The following METTL15 variants were observed in gnomAD, a reference collection of about 807,000 sequenced individuals.
METTL15 encodes methyltransferase 15, mitochondrial 12S rRNA N4-cytidine.
METTL15 carries 34 observed loss-of-function variants against 38.3 expected under a neutral mutation model. The observed-to-expected ratio is 0.89, with a 90% CI of 0.68 to 1.18. METTL15 has a LOEUF of 1.18. METTL15 is among the 50% of genes most tolerant of loss of function. The pLI, the probability that METTL15 is intolerant of heterozygous loss-of-function variation, is 0.00. For synonymous variants in METTL15, 162 were observed against 170.9 expected, an observed-to-expected ratio of 0.95 and a Z score of 0.41; for missense variants, 438 against 498.4, an observed-to-expected ratio of 0.88 and a Z score of 1.15.
At chr11:28,385,662 G>T (rs991012799) in intron 5 of METTL15, among the ~76,000 whole-genome samples, 6 of 152,122 alleles carry the variant, frequency 3.9e-5, no homozygotes, top group Non-Finnish European at 7.4e-5. Flanking sequence ...TTTTAAAATA[G>T]TTGTTTCTAA....
At chr11:28,449,055 G>A (rs1851097973) in intron 6 of METTL15, among the ~76,000 whole-genome samples, 1 of 152,156 alleles carries the variant, frequency 6.6e-6, no homozygotes, top group South Asian at 2.1e-4. Flanking sequence ...TGTCTGAGAT[G>A]CCCTGTGCTT....
chr11:28,217,262 T>C (rs1852930823), intron 4 of METTL15, among the ~76,000 whole-genome samples: 1 of 152,058 alleles, frequency 6.6e-6, no homozygotes, highest in African/African-American at 2.4e-5. Flanking sequence ...TTCTAACTGG[T>C]GTGAGATGGT....
At position 28,183,734 on chromosome 11, in the gene METTL15, C is replaced by T. The variant is rs1318927675; in HGVS notation, c.271-27328C>T. On this transcript the variant is annotated intron_variant, in intron 3 of 6. Transcript: ENST00000407364. Reference sequence around the variant, plus strand: ...CTGAAATTTTCTTTTTTTGTTGTGTCTCTGCCAGGTTTTGGTATCAGGATG... The same window carrying T: ...CTGAAATTTTCTTTTTTTGTTGTGTTTCTGCCAGGTTTTGGTATCAGGATG... Among the ~76,000 whole-genome samples, 3 of 151,936 alleles carry T rather than the reference C, an allele frequency of 2.0e-5. No individual in the cohort carries two copies. The East Asian group carries it at 5.8e-4, about 29-fold the overall frequency.
intron 3 of METTL15, among the ~76,000 whole-genome samples, chr11:28,126,224 C>G (rs754595705): frequency 2.0e-5 from 3 of 152,116 alleles, no homozygotes; most frequent in Non-Finnish European, 4.4e-5. Context: ...GCCACCCTGT[C>G]TGAAATTTCA....
At chr11:28,172,367 A>G (rs1319473017) in intron 3 of METTL15, among the ~76,000 whole-genome samples, 1 of 152,174 alleles carries the variant, frequency 6.6e-6, no homozygotes, top group Non-Finnish European at 1.5e-5. Context: ...TAGAGTCAAT[A>G]TGTTTTTATT....
chr11:28,425,074 C>T (rs932605748), intron 6 of METTL15, among the ~76,000 whole-genome samples: 3 of 152,094 alleles, frequency 2.0e-5, no homozygotes, highest in Non-Finnish European at 4.4e-5. Flanking sequence ...GTAGACTTGG[C>T]CTCTGGTGAT....
intron 6 of METTL15, among the ~76,000 whole-genome samples, chr11:28,459,030 G>A (rs1029276095): frequency 3.3e-5 from 5 of 152,102 alleles, no homozygotes; most frequent in Non-Finnish European, 5.9e-5. Context: ...TTCTCAGTCT[G>A]TCATTTTCTG....
At chr11:28,401,295 G>T (rs1359307611) in intron 5 of METTL15, among the ~76,000 whole-genome samples, 1 of 151,828 alleles carries the variant, frequency 6.6e-6, no homozygotes, top group African/African-American at 2.4e-5. Flanking sequence ...TACCTGCCTG[G>T]GATAATCATT....
intron 4 of METTL15, among the ~76,000 whole-genome samples, chr11:28,214,293 C>T (rs145553172): frequency 0.01 from 1,598 of 152,220 alleles, 17 homozygotes; most frequent in Middle Eastern, 0.017. Flanking sequence ...CTCAGCCTCC[C>T]ACAGGACTGG....
intron 5 of METTL15, among the ~76,000 whole-genome samples, chr11:28,415,131 C>T (rs1850761949): frequency 6.6e-6 from 1 of 152,110 alleles, no homozygotes; most frequent in South Asian, 2.1e-4. Flanking sequence ...GTGAGTATGA[C>T]ATAATAATGC....
In METTL15 at chr11:28,216,983, C is replaced by A. The variant is rs1032532178; in HGVS notation, c.407+5785C>A. 4.6e-5 allele frequency among the ~76,000 whole-genome samples: 7 copies of A among 151,946 alleles called. No individual in the cohort carries two copies. In the East Asian group the frequency reaches 1.4e-3, roughly 29 times the overall value. On this transcript the variant is annotated intron_variant, in intron 4 of 6. Coordinates refer to ENST00000407364, the MANE Select transcript of METTL15 (RefSeq NM_001113528.2). ...TCATTGATGGACATTTGGGTTGGTTCCAAGTCTTTGCTATTGTGAATAGTG... is the reference window on the plus strand; with the variant it reads ...TCATTGATGGACATTTGGGTTGGTTACAAGTCTTTGCTATTGTGAATAGTG...
At chr11:28,300,322 T>A (rs1465418286) in intron 6 of METTL15, among the ~76,000 whole-genome samples, 1 of 152,104 alleles carries the variant, frequency 6.6e-6, no homozygotes, top group Non-Finnish European at 1.5e-5. Context: ...CATATTAAAA[T>A]CCATATTGAT....
chr11:28,370,964 T>C (rs548878828), intron 5 of METTL15, among the ~76,000 whole-genome samples: 3 of 152,036 alleles, frequency 2.0e-5, no homozygotes, highest in South Asian at 2.1e-4. Context: ...CCTTTGTCAA[T>C]TGAATAATTT....
intron 6 of METTL15, among the ~76,000 whole-genome samples, chr11:28,484,678 T>A (rs1009411512): frequency 6.6e-6 from 1 of 152,116 alleles, no homozygotes; most frequent in Non-Finnish European, 1.5e-5. Flanking sequence ...CTGGTAATGA[T>A]CTTGACAACC....
In METTL15 at chr11:28,377,810, A is replaced by ATGG. The variant is rs1353467638; in HGVS notation, c.*358+15776_*358+15777insGTG. Reference sequence around the variant, plus strand: ...TGGTTTTATCCACTTTTGGTCTTTGATGATGAAGTACAGATGGGTTTTTGG... The same window carrying ATGG: ...TGGTTTTATCCACTTTTGGTCTTTGATGGTGATGAAGTACAGATGGGTTTTTGG... On this transcript the variant is annotated intron_variant and NMD_transcript_variant, in intron 5 of 7. Coordinates refer to the METTL15 transcript ENST00000532947. 4.2e-5 allele frequency among the ~76,000 whole-genome samples: 5 copies of ATGG among 120,400 alleles called. No homozygotes were observed. The Admixed American group carries it at 4.8e-4, about 11-fold the overall frequency. 79.0% of individuals were successfully genotyped at this position (120,400 alleles called of 152,430 possible). A position where few individuals can be genotyped will look rare whatever the true frequency, so the allele number is the denominator to read the frequency against.
chr11:28,379,202 A>C (rs1013806566), intron 5 of METTL15, among the ~76,000 whole-genome samples: 2 of 151,504 alleles, frequency 1.3e-5, no homozygotes, highest in East Asian at 3.9e-4. Context: ...ATTTAGTCTA[A>C]ATTATGTTTA....
Position 28,197,605 on chromosome 11 carries a change from G to A in METTL15, c.271-13457G>A, listed in dbSNP as rs180999632. On this transcript the variant is annotated intron_variant, in intron 3 of 6. Coordinates refer to ENST00000407364, the MANE Select transcript of METTL15 (RefSeq NM_001113528.2). ...GGTGGTATAGTATGGCCTTTTCTACGTCTGAAACTTGTGCTATCTGAAGTC... is the reference window on the plus strand; with the variant it reads ...GGTGGTATAGTATGGCCTTTTCTACATCTGAAACTTGTGCTATCTGAAGTC... 2.6e-5 allele frequency: 9 copies of A among 345,608 alleles called. No individual in the cohort carries two copies. In the East Asian group the frequency reaches 3.0e-4, roughly 12 times the overall value. The allele number at this position is 345,608 out of a possible 1,614,324, so 21.4% of individuals were successfully genotyped here.
At chr11:28,160,621 T>C (rs780366907) in intron 3 of METTL15, among the ~76,000 whole-genome samples, 18 of 152,270 alleles carry the variant, frequency 1.2e-4, no homozygotes, top group Middle Eastern at 3.4e-3. Flanking sequence ...AACATTGTAA[T>C]ACATTGGAGT....
At chr11:28,475,411 A>G (rs1327665388) in intron 6 of METTL15, among the ~76,000 whole-genome samples, 2 of 152,148 alleles carry the variant, frequency 1.3e-5, no homozygotes, top group Non-Finnish European at 2.9e-5. Context: ...CAAGATTTCT[A>G]CTTACTTAGT....
Sources: allele counts gnomAD v4.1 joint callset (sites outside exome capture counted in the v4.1 genomes callset), GRCh38; gene constraint gnomAD v4.1.1; transcripts MANE v1.5; gene names NCBI Gene and HGNC (gene_info 2026-07-23, HGNC 2026-07-21).